Variants in ADGRF5 observed in about 807,000 individuals in gnomAD.
ADGRF5 encodes adhesion G protein-coupled receptor F5, also known as G-protein coupled receptor 116.
ADGRF5 carries 75 observed loss-of-function variants against 132.3 expected under a neutral mutation model. That is an observed-to-expected ratio of 0.57 (90% CI 0.47 to 0.69). The LOEUF is 0.69. ADGRF5 is among the 30% of genes least tolerant of loss of function. The probability of loss-of-function intolerance (pLI) is 0.00; values close to 1 mark genes in which losing one functional copy is unlikely to be tolerated. For synonymous variants in ADGRF5, 629 were observed against 597.6 expected, an observed-to-expected ratio of 1.05 and a Z score of -0.77; for missense variants, 1,516 against 1,630.6, an observed-to-expected ratio of 0.93 and a Z score of 1.21.
In ADGRF5 at chr6:46,879,949, A is replaced by G; in HGVS notation, c.905T>C (p.Val302Ala). ...VCEKEVLSSN[V>A]SWRYEEQQLE... ...CTGCTGTTCTTCATAGCGCCAAGACACATTGGAGGACAAAACTTCCTTTTC... is the reference window on the plus strand; with the variant it reads ...CTGCTGTTCTTCATAGCGCCAAGACGCATTGGAGGACAAAACTTCCTTTTC... The change falls in exon 9 of 21, where the codon GTG (valine) becomes GCG (alanine). Residue 302 changes from valine to alanine, a missense_variant. Val to Ala is a moderately conservative substitution (Grantham distance 64). Around this residue, in one of 2 missense-constraint regions of ADGRF5, gnomAD observed 945 missense variants for 929.4 expected, o/e 1.02. Transcript: ENST00000283296. The G allele has an allele frequency of 6.2e-7, 1 of 1,613,974 alleles. No homozygotes were observed. The highest frequency in any genetic ancestry group is 1.1e-5 in the South Asian group (1 of 91,086).
At chr6:46,877,270 T>C (rs909873976) in intron 10 of ADGRF5, among the ~76,000 whole-genome samples, 1 of 40,864 alleles carries the variant, frequency 2.4e-5, no homozygotes, top group Non-Finnish European at 4.6e-5. Context: ...TTTCTTTCTT[T>C]CTTTCTTTCT....
chr6:46,906,036 A>T (rs1313526374), intron 2 of ADGRF5, among the ~76,000 whole-genome samples: 6 of 152,198 alleles, frequency 3.9e-5, no homozygotes, highest in Admixed American at 3.3e-4. Context: ...GGAGAAGCTA[A>T]GTAAGGAATA....
chr6:46,908,930 T>A (rs1775663506), intron 1 of ADGRF5: 1 of 152,200 alleles, frequency 6.6e-6, no homozygotes, highest in Admixed American at 6.5e-5. Flanking sequence ...ACAACCTGTA[T>A]GGAATGGACC....
At chr6:46,914,856 TG>T (rs1776292988) in intron 1 of ADGRF5, among the ~76,000 whole-genome samples, 1 of 151,876 alleles carries the variant, frequency 6.6e-6, no homozygotes. Context: ...TTATTTTTTT[TG>T]TTTGTTTGTT....
chr6:46,941,553 A>AAGTG (rs1415173737), intron 1 of ADGRF5, among the ~76,000 whole-genome samples: 1 of 152,120 alleles, frequency 6.6e-6, no homozygotes, highest in East Asian at 1.9e-4. Context: ...AATACTCTGG[A>AAGTG]AGTGAGGCCC....
At chr6:46,946,402 G>C (rs1277079185) in intron 1 of ADGRF5, among the ~76,000 whole-genome samples, 2 of 152,198 alleles carry the variant, frequency 1.3e-5, no homozygotes, top group African/African-American at 4.8e-5. Context: ...GGGTAGCGTA[G>C]ACAGAACACA....
chr6:46,869,049 T>A lies in ADGRF5; in HGVS notation c.1455A>T (p.Gly485=), dbSNP rs1214700654. The change falls in exon 12 of 21, where the codon GGA becomes GGT. Residue 485 remains glycine (G), a synonymous_variant. Transcript: ENST00000283296. ...ITPDPISVSE[G]QNFSIKCISD... ...TGATGCATTTTATAGAAAAGTTTTG[T>A]CCCTCAGAAACAGAAATTGGGTCCG... 4 of 1,614,038 alleles carry A rather than the reference T, an allele frequency of 2.5e-6. No individual in the cohort carries two copies. Among genetic ancestry groups the A allele is most frequent in the Non-Finnish European group, 1.7e-6 (2 of 1,179,958 alleles).
rs1033795765 is a variant in ADGRF5, at chr6:46,930,520, A to C, written c.-24-23734T>G. ...ACAGGAGGACAATGAGGGTAGAAAG[A>C]AGTGGGAAATGGTGTGGGGATGGTA... On this transcript the variant is annotated intron_variant, in intron 1 of 20. Coordinates refer to the ADGRF5 transcript ENST00000265417. 3.9e-5 allele frequency among the ~76,000 whole-genome samples: 6 copies of C among 152,028 alleles called. No individual in the cohort carries two copies. The East Asian group carries it at 1.2e-3, about 29-fold the overall frequency.
intron 3 of ADGRF5, among the ~76,000 whole-genome samples, chr6:46,896,255 G>A (rs1019645446): frequency 3.3e-5 from 5 of 152,130 alleles, no homozygotes; most frequent in African/African-American, 1.2e-4. Context: ...ATCGTGACAT[G>A]ACTCGGGATC....
intron 11 of ADGRF5, among the ~76,000 whole-genome samples, chr6:46,870,166 A>AT (rs1289463479): frequency 6.6e-6 from 1 of 151,542 alleles, no homozygotes; most frequent in Non-Finnish European, 1.5e-5. Flanking sequence ...TAATATTATT[A>AT]TTTTTTTCTT....
intron 3 of ADGRF5, 49 bp downstream of exon 3, chr6:46,899,980 C>T (rs220702): frequency 0.91 from 1,186,604 of 1,309,172 alleles, 538,569 homozygotes; most frequent in African/African-American, 0.96. Context: ...GCAACACATA[C>T]CATTTGAGTC....
intron 1 of ADGRF5, among the ~76,000 whole-genome samples, chr6:46,930,818 T>G (rs1357631020): frequency 6.6e-6 from 1 of 152,164 alleles, no homozygotes; most frequent in East Asian, 1.9e-4. Context: ...TTTGGGAGGC[T>G]GAGGCAGGGG....
chr6:46,876,343 C>T (rs1462925282), intron 10 of ADGRF5, among the ~76,000 whole-genome samples: 1 of 152,224 alleles, frequency 6.6e-6, no homozygotes, highest in African/African-American at 2.4e-5. Flanking sequence ...AGGTTTTTCA[C>T]CTTTCGGGGT....
At chr6:46,893,248 G>A (rs1292381525) in intron 3 of ADGRF5, among the ~76,000 whole-genome samples, 2 of 151,886 alleles carry the variant, frequency 1.3e-5, no homozygotes, top group Non-Finnish European at 2.9e-5. Context: ...TTGAGGAATA[G>A]CAAGAAGATG....
rs762794360 is a variant in ADGRF5, at chr6:46,865,169, G to A, written c.1863C>T (p.Cys621=). 54 of 1,611,524 alleles carry A rather than the reference G, an allele frequency of 3.4e-5. 1 individual carries two copies. The South Asian group carries it at 4.4e-4, about 13-fold the overall frequency. ...AAKEVNKKQV[C]YKHNFNASSV... ...AGCTTGCATTGAAATTGTGTTTGTA[G>A]CACACTTGTTTTTTGTTAACTTCTT... The change falls in exon 14 of 21, where the codon TGC becomes TGT. Residue 621 remains cysteine, a synonymous_variant. Transcript: ENST00000283296.
chr6:46,920,840 G>T (rs1169414620), intron 1 of ADGRF5, among the ~76,000 whole-genome samples: 1 of 152,082 alleles, frequency 6.6e-6, no homozygotes, highest in African/African-American at 2.4e-5. Flanking sequence ...TCCAACCTGG[G>T]CGACAGAGCA....
chr6:46,926,473 T>A (rs894484685), upstream of ADGRF5, among the ~76,000 whole-genome samples: 1 of 31,458 alleles, frequency 3.2e-5, no homozygotes, highest in African/African-American at 2.4e-4. Flanking sequence ...AGAGACAGCA[T>A]CTCGGGTGAG....
intron 1 of ADGRF5, among the ~76,000 whole-genome samples, chr6:46,915,178 T>C (rs1776322301): frequency 6.6e-6 from 1 of 152,090 alleles, no homozygotes; most frequent in Admixed American, 6.5e-5. Flanking sequence ...TACTCAAATG[T>C]TATGTGAGAA....
At chr6:46,899,879 C>T in intron 3 of ADGRF5, 150 bp downstream of exon 3, 1 of 619,526 alleles carries the variant, frequency 1.6e-6, no homozygotes. Context: ...AATGGAGTTT[C>T]CTAGTAATTA....
Sources: allele counts gnomAD v4.1 joint callset (sites outside exome capture counted in the v4.1 genomes callset), GRCh38; gene constraint gnomAD v4.1.1; regional missense constraint gnomAD v4.1.1; transcripts MANE v1.5; gene names NCBI Gene and HGNC (gene_info 2026-07-23, HGNC 2026-07-21).